TXN2: variants seen among roughly 807,000 people sequenced by gnomAD.
TXN2 encodes the protein thioredoxin 2.
In TXN2, 12 loss-of-function variants were observed where a neutral mutation model predicts 14.6. The observed-to-expected ratio is 0.82, with a 90% CI of 0.53 to 1.33. The LOEUF is 1.33. TXN2 is among the 40% of genes most tolerant of loss of function. The pLI is 0.00. For missense variants in TXN2, 173 were observed against 207.7 expected, an observed-to-expected ratio of 0.83 and a Z score of 1.03; for synonymous variants, 89 against 81.0, an observed-to-expected ratio of 1.10 and a Z score of -0.53.
At chr22:36,481,447 C>A (rs1273622322) in intron 1 of TXN2, 117 bp downstream of exon 1, 3 of 313,596 alleles carry the variant, frequency 9.6e-6, no homozygotes, top group African/African-American at 6.7e-5. Context: ...ACCAGGGACC[C>A]TGGCTCTCCG....
chr22:36,471,658 G>A (rs1422736863), intron 3 of TXN2, among the ~76,000 whole-genome samples: 1 of 152,200 alleles, frequency 6.6e-6, no homozygotes, highest in Admixed American at 6.5e-5. Flanking sequence ...CTCAAAGGGT[G>A]AGCAACTGTT....
At chr22:36,480,438 G>T in intron 2 of TXN2, 137 bp downstream of exon 2, 1 of 1,064,870 alleles carries the variant, frequency 9.4e-7, no homozygotes, top group Non-Finnish European at 1.3e-6. Context: ...CCCCTTGAGG[G>T]CAGGGACTGG....
At chr22:36,469,987 G>A (rs150913257) in intron 3 of TXN2, among the ~76,000 whole-genome samples, 1 of 152,150 alleles carries the variant, frequency 6.6e-6, no homozygotes, top group East Asian at 1.9e-4. Context: ...AAAATAAACA[G>A]AACAAGATAA....
Position 36,467,459 on chromosome 22 carries a change from A to T in TXN2, c.*345T>A. ...AGCCAGGCACGAGGTTTCAGATTGG[A>T]AGGGACCAAGATGAGGACCAAGGTG... On this transcript the variant is annotated 3_prime_UTR_variant, in exon 4 of 4. Coordinates refer to ENST00000216185, the MANE Select transcript of TXN2 (RefSeq NM_012473.4). The T allele has an allele frequency of 4.1e-6, 1 of 242,784 alleles. No homozygotes were observed. Among genetic ancestry groups the T allele is most frequent in the South Asian group, 8.2e-5 (1 of 12,158 alleles). 15.0% of individuals were successfully genotyped at this position (242,784 alleles called of 1,614,324 possible).
At chr22:36,471,549 G>A (rs551136783) in intron 3 of TXN2, among the ~76,000 whole-genome samples, 1 of 152,150 alleles carries the variant, frequency 6.6e-6, no homozygotes, top group Admixed American at 6.5e-5. Flanking sequence ...TCACATGCTG[G>A]GTGCTTTTTC....
chr22:36,478,231 A>G (rs970854156), intron 2 of TXN2, among the ~76,000 whole-genome samples: 23 of 151,810 alleles, frequency 1.5e-4, no homozygotes, highest in African/African-American at 5.6e-4. Flanking sequence ...TGCCCTGATC[A>G]TAGGTATTCC....
intron 3 of TXN2, 45 bp from the exon 4 acceptor site, chr22:36,467,962 A>C (rs768979644): frequency 1.3e-6 from 2 of 1,516,206 alleles, no homozygotes; most frequent in Non-Finnish European, 1.8e-6. Context: ...GGGAGTGAAT[A>C]CTTCTCAACT....
At chr22:36,478,132 CA>C (rs778032940) in intron 2 of TXN2, among the ~76,000 whole-genome samples, 3,986 of 67,670 alleles carry the variant, frequency 0.059, 142 homozygotes, top group African/African-American at 0.19. Context: ...GACTCTGTCT[CA>C]AAAAAAAAAA....
At chr22:36,472,057 C>A (rs1046433470) in intron 3 of TXN2, among the ~76,000 whole-genome samples, 2 of 151,906 alleles carry the variant, frequency 1.3e-5, no homozygotes, top group African/African-American at 4.8e-5. Flanking sequence ...TGCTTCTGCC[C>A]AGCAGCAAAG....
At chr22:36,474,113 G>A (rs1328635849) in intron 3 of TXN2, among the ~76,000 whole-genome samples, 3 of 152,238 alleles carry the variant, frequency 2.0e-5, no homozygotes, top group Non-Finnish European at 2.9e-5. Flanking sequence ...TAGCCAGGCA[G>A]GGGAAAGCCA....
Position 36,473,753 on chromosome 22 carries a change from G to T in TXN2, c.387+2980C>A, listed in dbSNP as rs894194042. Among the ~76,000 whole-genome samples, 9 of 152,120 alleles carry T rather than the reference G, an allele frequency of 5.9e-5. No individual in the cohort carries two copies. In the East Asian group the frequency reaches 1.5e-3, roughly 26 times the overall value. ...TGGACAGGGCGGGAGCGGTGGGTGT[G>T]GGGGGAGATTGAGAGGATTCCACAG... On this transcript the variant is annotated intron_variant, in intron 3 of 3. Coordinates refer to ENST00000216185, the MANE Select transcript of TXN2 (RefSeq NM_012473.4).
chr22:36,480,948 T>C lies in TXN2; in HGVS notation c.1-111A>G, dbSNP rs1387660668. The C allele has an allele frequency of 1.9e-5, 23 of 1,195,136 alleles. No individual in the cohort carries two copies. In the South Asian group the frequency reaches 4.1e-4, roughly 21 times the overall value. 74.0% of individuals were successfully genotyped at this position (1,195,136 alleles called of 1,614,324 possible). A position where few individuals can be genotyped will look rare whatever the true frequency, so the allele number is the denominator to read the frequency against. The stretch of plus-strand genomic sequence containing the variant: ...GGAAGAGGCAGAGTTGGAAGCAAAA[T>C]GCAAGGAAATCATATGTAAGATTTG... On this transcript the variant is annotated intron_variant, in intron 1 of 3. Coordinates refer to ENST00000216185, the MANE Select transcript of TXN2 (RefSeq NM_012473.4).
chr22:36,476,560 C>G (rs551227327), intron 3 of TXN2, among the ~76,000 whole-genome samples, 173 bp downstream of exon 3: 2 of 152,108 alleles, frequency 1.3e-5, no homozygotes, highest in South Asian at 4.2e-4. Context: ...CCATTGCACT[C>G]TAGCCCAGGT....
intron 3 of TXN2, among the ~76,000 whole-genome samples, chr22:36,471,723 C>A (rs1302690237): frequency 6.6e-6 from 1 of 152,176 alleles, no homozygotes; most frequent in Non-Finnish European, 1.5e-5. Context: ...AATCCCAGCA[C>A]TTTGGGAGGC....
intron 1 of TXN2, 64 bp from the exon 2 acceptor site, chr22:36,480,901 T>C: frequency 6.7e-7 from 1 of 1,500,768 alleles, no homozygotes; most frequent in Non-Finnish European, 8.9e-7. Context: ...TAGAAAAAGA[T>C]TTGGGGAGTA....
In TXN2 at chr22:36,467,080, G is replaced by C. The variant is rs1933174262; in HGVS notation, c.*724C>G. 1 of 153,038 alleles carries C rather than the reference G, an allele frequency of 6.5e-6. No homozygotes were observed. Among genetic ancestry groups the C allele is most frequent in the Admixed American group, 6.5e-5 (1 of 15,306 alleles). 9.5% of individuals were successfully genotyped at this position (153,038 alleles called of 1,614,324 possible). A position where few individuals can be genotyped will look rare whatever the true frequency, so the allele number is the denominator to read the frequency against. On this transcript the variant is annotated 3_prime_UTR_variant, in exon 4 of 4. Transcript: ENST00000216185. ...GACCCTTGCTTTATTTGTCTGACTT[G>C]TTCACAGTTCAGCCCCCTGCTCAGA...
intron 3 of TXN2, among the ~76,000 whole-genome samples, chr22:36,471,329 C>G (rs1343091024): frequency 6.6e-6 from 1 of 152,080 alleles, no homozygotes; most frequent in Non-Finnish European, 1.5e-5. Context: ...GGAGTGTGTA[C>G]GTGTGCGCAG....
Position 36,476,731 on chromosome 22 carries a change from A to G in TXN2, c.387+2T>C. 6.2e-7 allele frequency: 1 copy of G among 1,613,800 alleles called. No homozygotes were observed. On this transcript the variant is annotated splice_donor_variant, in intron 3 of 3. Transcript: ENST00000216185. LOFTEE classifies it high-confidence loss of function. ...CTGTGGCAACTCCCTGTCAATCCAT[A>G]CCTCATACTCAATGGCGAGGTCTGT...
intron 3 of TXN2, among the ~76,000 whole-genome samples, chr22:36,471,968 T>TAA (rs59924757): frequency 0.1 from 10,072 of 99,878 alleles, 490 homozygotes; most frequent in African/African-American, 0.13. Flanking sequence ...AGACCCCCTC[T>TAA]AAAAAAAAAA....
Sources: allele counts gnomAD v4.1 joint callset (sites outside exome capture counted in the v4.1 genomes callset), GRCh38; gene constraint gnomAD v4.1.1; transcripts MANE v1.5; gene names NCBI Gene and HGNC (gene_info 2026-07-23, HGNC 2026-07-21).